The following LURAP1 variants were observed in gnomAD, a reference collection of about 807,000 sequenced individuals.
LURAP1 encodes leucine rich adaptor protein 1.
LURAP1 carries 14 observed loss-of-function variants against 19.0 expected under a neutral mutation model. The observed-to-expected ratio is 0.74, with a 90% CI of 0.49 to 1.15. LURAP1 has a LOEUF of 1.15. Ranked by LOEUF, LURAP1 falls within the 50% of genes most tolerant of loss-of-function variation. LURAP1 has a pLI of 0.00. For missense variants in LURAP1, 273 were observed against 309.1 expected (o/e 0.88, Z 0.87); for synonymous variants, 129 against 131.8 (o/e 0.98, Z 0.14).
chr1:46,219,805 G>A lies in LURAP1; in HGVS notation c.305G>A (p.Ser102Asn), dbSNP rs1659177056. The A allele has an allele frequency of 6.2e-7, 1 of 1,614,118 alleles. No homozygotes were observed. Among genetic ancestry groups the A allele is most frequent in the Non-Finnish European group, 8.5e-7 (1 of 1,180,052 alleles). ...WLLEERGTLT[S>N]HCSSLTSSQY... ...TTGGAGGAGCGGGGGACGTTGACCA[G>A]TCATTGCAGCAGCCTCACCAGCAGT... The change falls in exon 2 of 2, where the codon AGT (serine) becomes AAT (asparagine). Residue 102 changes from serine (S) to asparagine (N), a missense_variant. Transcript: ENST00000371980.
chr1:46,215,051 C>A (rs1659022475), intron 1 of LURAP1, among the ~76,000 whole-genome samples: 1 of 151,500 alleles, frequency 6.6e-6, no homozygotes, highest in Non-Finnish European at 1.5e-5. Flanking sequence ...ATGGTGAAAC[C>A]CTGTCTGTAC....
At chr1:46,214,445 GAGATAAA>G (rs1191138018) in intron 1 of LURAP1, among the ~76,000 whole-genome samples, 2 of 152,056 alleles carry the variant, frequency 1.3e-5, no homozygotes. Flanking sequence ...TATCCTTAAA[GAGATAAA>G]AGATAATACT....
At chr1:46,218,357 G>C (rs954657542) in intron 1 of LURAP1, among the ~76,000 whole-genome samples, 2 of 152,194 alleles carry the variant, frequency 1.3e-5, no homozygotes, top group Non-Finnish European at 2.9e-5. Flanking sequence ...CTGCACTCTA[G>C]CCTGAGTGAC....
intron 1 of LURAP1, among the ~76,000 whole-genome samples, chr1:46,207,997 A>G (rs1175836451): frequency 1.3e-5 from 2 of 151,832 alleles, no homozygotes; most frequent in African/African-American, 4.8e-5. Context: ...CTTCCTGAGT[A>G]GCTGGGATTA....
intron 1 of LURAP1, among the ~76,000 whole-genome samples, chr1:46,207,680 A>AG (rs1200930272): frequency 6.6e-6 from 1 of 151,334 alleles, no homozygotes; most frequent in East Asian, 1.9e-4. Context: ...CTGGGACTAC[A>AG]GGCACCTGCA....
At chr1:46,210,283 T>A (rs1658853354) in intron 1 of LURAP1, among the ~76,000 whole-genome samples, 2 of 152,216 alleles carry the variant, frequency 1.3e-5, no homozygotes, top group African/African-American at 4.8e-5. Flanking sequence ...TGTGTTTTTT[T>A]AATTTTTTCA....
At chr1:46,207,581 C>T (rs1339279952) in intron 1 of LURAP1, among the ~76,000 whole-genome samples, 2 of 151,792 alleles carry the variant, frequency 1.3e-5, no homozygotes, top group African/African-American at 4.8e-5. Flanking sequence ...CTCTGTCGCC[C>T]AGGCTGGAGT....
At chr1:46,214,361 A>G (rs1248317652) in intron 1 of LURAP1, among the ~76,000 whole-genome samples, 1 of 151,860 alleles carries the variant, frequency 6.6e-6, no homozygotes, top group Non-Finnish European at 1.5e-5. Flanking sequence ...GAAAAAAAAA[A>G]AGGAAAAGAA....
intron 1 of LURAP1, among the ~76,000 whole-genome samples, chr1:46,218,572 G>A (rs1489229567): frequency 6.6e-6 from 1 of 152,180 alleles, no homozygotes; most frequent in Non-Finnish European, 1.5e-5. Context: ...GGAGGGCGGA[G>A]TTCCCTGCTA....
intron 1 of LURAP1, among the ~76,000 whole-genome samples, chr1:46,206,879 G>C (rs947910941): frequency 6.6e-6 from 1 of 152,176 alleles, no homozygotes; most frequent in Admixed American, 6.5e-5. Flanking sequence ...GTCTGGTTAG[G>C]GAAGGAGGAG....
intron 1 of LURAP1, among the ~76,000 whole-genome samples, chr1:46,204,618 C>G (rs1029697129): frequency 5.3e-5 from 8 of 152,272 alleles, no homozygotes; most frequent in East Asian, 1.9e-4. Flanking sequence ...GCCAGGGCTC[C>G]GACGCCTGAG....
At chr1:46,218,954 C>T (rs2148254970) in intron 1 of LURAP1, among the ~76,000 whole-genome samples, 1 of 152,258 alleles carries the variant, frequency 6.6e-6, no homozygotes, top group African/African-American at 2.4e-5. Context: ...CCCTATCTTG[C>T]TATTCTTTGT....
intron 1 of LURAP1, among the ~76,000 whole-genome samples, chr1:46,211,623 T>A (rs1245134792): frequency 6.6e-6 from 1 of 152,174 alleles, no homozygotes; most frequent in East Asian, 1.9e-4. Context: ...ATGACAAACC[T>A]TTAGATAGTA....
At chr1:46,209,575 C>T (rs528189067) in intron 1 of LURAP1, among the ~76,000 whole-genome samples, 22 of 132,684 alleles carry the variant, frequency 1.7e-4, no homozygotes, top group African/African-American at 4.8e-4. Context: ...GATGGAGTCT[C>T]GCTCTGTTGC....
At chr1:46,217,772 G>A (rs141919145) in intron 1 of LURAP1, among the ~76,000 whole-genome samples, 4 of 152,228 alleles carry the variant, frequency 2.6e-5, no homozygotes, top group Non-Finnish European at 5.9e-5. Context: ...CAAGAGAATC[G>A]CTTGAACCCT....
At chr1:46,211,439 GCACACACACACACACA>G (rs57919535) in intron 1 of LURAP1, among the ~76,000 whole-genome samples, 1 of 78,960 alleles carries the variant, frequency 1.3e-5, no homozygotes, top group African/African-American at 3.5e-5. Context: ...ATGAAAACCT[GCACACACACACACACA>G]CACACACACA....
chr1:46,207,932 A>G (rs540476749), intron 1 of LURAP1, among the ~76,000 whole-genome samples: 143 of 151,610 alleles, frequency 9.4e-4, no homozygotes, highest in Non-Finnish European at 1.4e-3. Flanking sequence ...CAATGGCGTG[A>G]TCTCGGCTCA....
chr1:46,203,503 G>A lies in LURAP1; in HGVS notation c.77G>A (p.Gly26Glu), dbSNP rs761422074. ...AAGGTGGGCAGGAAGACCCCTGAAG[G>A]GCTGCTCCGCGGGCTGCGAGGCGAG... ...EGKVGRKTPE[G>E]LLRGLRGECE... is the part of the protein sequence containing the mutation. The change falls in exon 1 of 2, where the codon GGG becomes GAG. Residue 26 changes from glycine to glutamate, a missense_variant. By Grantham distance (98) the Gly-to-Glu change is moderately conservative (BLOSUM62 -2). Transcript: ENST00000371980. The A allele has an allele frequency of 6.4e-7, 1 of 1,558,606 alleles. No homozygotes were observed. The highest frequency in any genetic ancestry group is 2.4e-5 in the East Asian group (1 of 41,270).
Position 46,220,100 on chromosome 1 carries a change from G to T in LURAP1, c.600G>T (p.Lys200Asn), listed in dbSNP as rs1193685004. The T allele has an allele frequency of 6.2e-7, 1 of 1,614,106 alleles. No individual in the cohort carries two copies. Among genetic ancestry groups the T allele is most frequent in the African/African-American group, 1.3e-5 (1 of 74,944 alleles). The change falls in exon 2 of 2, where the codon AAG (lysine) becomes AAT (asparagine). Residue 200 changes from lysine to asparagine, a missense_variant. Transcript: ENST00000371980. ...TAGGGAGCTTGAGAGCTGTGTGGAA[G>T]CCCCCAGGGGAGAGGCTTCAAGGTG... The part of the protein sequence containing the change: ...TRLGSLRAVW[K>N]PPGERLQGGP...
Sources: allele counts gnomAD v4.1 joint callset (sites outside exome capture counted in the v4.1 genomes callset), GRCh38; gene constraint gnomAD v4.1.1; transcripts MANE v1.5; gene names NCBI Gene and HGNC (gene_info 2026-07-23, HGNC 2026-07-21).